The following TMEM171 variants were observed in gnomAD, a reference collection of about 807,000 sequenced individuals.
TMEM171 encodes the protein proline-rich protein PRP2.
In TMEM171, 16 loss-of-function variants were observed where a neutral mutation model predicts 19.1. That is an observed-to-expected ratio of 0.84 (90% CI 0.57 to 1.27). The LOEUF is 1.27. Among genes scored for constraint, TMEM171 ranks in the 50% most tolerant of loss-of-function variants. The probability of loss-of-function intolerance (pLI) is 0.00; values close to 1 mark genes in which losing one functional copy is unlikely to be tolerated. For synonymous variants in TMEM171, 153 were observed against 163.4 expected (o/e 0.94, Z 0.48); for missense variants, 429 against 412.7 (o/e 1.04, Z -0.34).
rs761365883 is a variant in TMEM171 at position 73,131,704 on chromosome 5, C to CT, written c.950dup (p.Ser318IlefsTer3). The CT allele has an allele frequency of 6.2e-7, 1 of 1,613,404 alleles. No homozygotes were observed. Among genetic ancestry groups the CT allele is most frequent in the South Asian group, 1.1e-5 (1 of 90,854 alleles). On this transcript the variant is annotated frameshift_variant, in exon 4 of 4. Transcript: ENST00000454765. LOFTEE classifies it high-confidence loss of function. ...AAATGCTGCAGCTACATTCTTGCCTCTATCTTCTGAGCCTTCCCCACCGTA... is the reference window on the plus strand; with the variant it reads ...AAATGCTGCAGCTACATTCTTGCCTCTTATCTTCTGAGCCTTCCCCACCGTA...
chr5:73,121,336 C>A (rs67751448), intron 1 of TMEM171, among the ~76,000 whole-genome samples: 15,052 of 152,158 alleles, frequency 0.099, 794 homozygotes, highest in South Asian at 0.14. Context: ...GAGAATCACC[C>A]TTCTCTTTCT....
chr5:73,127,384 A>AAAAAAAAAAAAATAT lies in TMEM171; in HGVS notation c.641-1005_641-1004insAAAAAAAAAAATATA. Among the ~76,000 whole-genome samples the AAAAAAAAAAAAATAT allele has an allele frequency of 1.1e-4, 9 of 81,662 alleles. No individual in the cohort carries two copies. In the East Asian group the frequency reaches 1.7e-3, roughly 16 times the overall value. The allele number at this position is 81,662 out of a possible 152,430, so 53.6% of individuals were successfully genotyped here. A position where few individuals can be genotyped will look rare whatever the true frequency, so the allele number is the denominator to read the frequency against. On this transcript the variant is annotated intron_variant, in intron 2 of 3. Coordinates refer to ENST00000454765, the MANE Select transcript of TMEM171 (RefSeq NM_173490.8). The stretch of plus-strand genomic sequence containing the variant: ...AAATTTGTGGTAAAAAAAAAAAAAA[A>AAAAAAAAAAAAATAT]ATATATATATATATATATATATAAA...
intron 2 of TMEM171, among the ~76,000 whole-genome samples, chr5:73,126,649 C>T (rs1435010460): frequency 6.6e-6 from 1 of 152,138 alleles, no homozygotes; most frequent in Non-Finnish European, 1.5e-5. Flanking sequence ...AACTGCCTGG[C>T]CTGCAGTTTA....
At chr5:73,130,669 G>C (rs886486696) in intron 3 of TMEM171, among the ~76,000 whole-genome samples, 1 of 152,172 alleles carries the variant, frequency 6.6e-6, no homozygotes, top group Non-Finnish European at 1.5e-5. Context: ...GAGAGGGAAA[G>C]AGGTGGCTGA....
At chr5:73,127,376 A>ATATATATATATATAT in intron 2 of TMEM171, among the ~76,000 whole-genome samples, 1 of 63,088 alleles carries the variant, frequency 1.6e-5, no homozygotes, top group African/African-American at 9.2e-5. Flanking sequence ...TGGTAAAAAA[A>ATATATATATATATAT]AAAAAAAAAT....
Position 73,123,630 on chromosome 5 carries a change from G to C in TMEM171, c.257G>C (p.Arg86Pro), listed in dbSNP as rs147116160. ...LARSRAQLQL[R>P]AGLQRGQQMD... is the part of the protein sequence containing the mutation. ...CGCTCCCGGGCGCAACTTCAGCTCC[G>C]TGCAGGGCTGCAGAGAGGTCAGCAG... Residue 86 changes from arginine to proline, a missense_variant, in exon 2 of 4, where the codon CGT becomes CCT. Arg to Pro is a moderately radical substitution (Grantham distance 103, BLOSUM62 -2). Coordinates refer to ENST00000454765, the MANE Select transcript of TMEM171 (RefSeq NM_173490.8). 6 of 1,614,082 alleles carry C rather than the reference G, an allele frequency of 3.7e-6. No homozygotes were observed. Among genetic ancestry groups the C allele is most frequent in the African/African-American group, 1.3e-5 (1 of 74,936 alleles).
Position 73,123,477 on chromosome 5 carries a change from T to C in TMEM171, c.104T>C (p.Val35Ala), listed in dbSNP as rs1744060247. 1 of 1,614,194 alleles carries C rather than the reference T, an allele frequency of 6.2e-7. No homozygotes were observed. The highest frequency in any genetic ancestry group is 8.5e-7 in the Non-Finnish European group (1 of 1,180,028). The change falls in exon 2 of 4, where the codon GTG becomes GCG. Residue 35 changes from valine (V) to alanine (A), a missense_variant. Coordinates refer to ENST00000454765, the MANE Select transcript of TMEM171 (RefSeq NM_173490.8). ...FFVFGAVLLCVGVLLSIFGFQ... is the reference protein window; with the variant it reads ...FFVFGAVLLCAGVLLSIFGFQ... ...GTCTTCGGCGCCGTCTTGTTGTGTG[T>C]GGGAGTCCTGCTCTCCATCTTTGGG... is the stretch of plus-strand genomic sequence containing the variant.
At chr5:73,124,392 A>C (rs1744107600) in intron 2 of TMEM171, among the ~76,000 whole-genome samples, 1 of 152,184 alleles carries the variant, frequency 6.6e-6, no homozygotes, top group Non-Finnish European at 1.5e-5. Context: ...TGTTATTCTC[A>C]CACCAAAACC....
chr5:73,128,141 C>A (rs1744229051), intron 2 of TMEM171, among the ~76,000 whole-genome samples: 1 of 152,154 alleles, frequency 6.6e-6, no homozygotes, highest in South Asian at 2.1e-4. Flanking sequence ...TTATCCCCAA[C>A]AGCAACTCTG....
chr5:73,123,238 A>G, intron 1 of TMEM171, 68 bp from the exon 2 acceptor site: 1 of 1,394,684 alleles, frequency 7.2e-7, no homozygotes, highest in Non-Finnish European at 9.5e-7. Context: ...AGAAATGATC[A>G]GCAAAAAACC....
intron 2 of TMEM171, among the ~76,000 whole-genome samples, chr5:73,124,860 G>A (rs376776109): frequency 3.9e-5 from 6 of 152,198 alleles, no homozygotes; most frequent in East Asian, 1.9e-4. Context: ...AAACCCCATC[G>A]CTGTTCATTG....
intron 2 of TMEM171, among the ~76,000 whole-genome samples, chr5:73,127,407 A>ATATATATATATATATATATATATAT (rs1364234564): frequency 4.6e-4 from 63 of 136,962 alleles, no homozygotes; most frequent in African/African-American, 9.4e-4. Context: ...ATATATATAT[A>ATATATATATATATATATATATATAT]AAGCATAAAC....
intron 2 of TMEM171, among the ~76,000 whole-genome samples, chr5:73,125,291 C>G (rs1461353515): frequency 1.3e-5 from 2 of 152,194 alleles, no homozygotes. Context: ...CATTTAAGTG[C>G]TTTATCATGT....
Position 73,129,731 on chromosome 5 carries a change from C to G in TMEM171, c.782+1200C>G, listed in dbSNP as rs544740036. On this transcript the variant is annotated intron_variant, in intron 3 of 3. Coordinates refer to ENST00000454765, the MANE Select transcript of TMEM171 (RefSeq NM_173490.8). The stretch of plus-strand genomic sequence containing the variant: ...TATGCTAGGCTTCACTGCTTTAGAT[C>G]ATGGAGAGGTGTGAGGGTCTCAGGG... 2.3e-4 allele frequency among the ~76,000 whole-genome samples: 35 copies of G among 152,350 alleles called. No individual in the cohort carries two copies. The South Asian group carries it at 6.0e-3, about 26-fold the overall frequency.
rs1206015584 is a variant in TMEM171, at chr5:73,123,540, C to G, written c.167C>G (p.Pro56Arg). Residue 56 changes from proline (P) to arginine (R), a missense_variant, in exon 2 of 4, where the codon CCC (proline) becomes CGC (arginine). By Grantham distance (103) the Pro-to-Arg change is moderately radical. Transcript: ENST00000454765. ...CAATATAAGCCCCTCCCAGACTGCC[C>G]CATGGTGCTCAAGGTGGCGGGGCCT... is the stretch of plus-strand genomic sequence containing the variant. ...ACQYKPLPDC[P>R]MVLKVAGPAC... is the part of the protein sequence containing the mutation. 2.5e-6 allele frequency: 4 copies of G among 1,614,230 alleles called. No homozygotes were observed. The highest frequency in any genetic ancestry group is 3.4e-6 in the Non-Finnish European group (4 of 1,180,050).
chr5:73,124,598 G>T (rs1744112720), intron 2 of TMEM171, among the ~76,000 whole-genome samples: 1 of 152,188 alleles, frequency 6.6e-6, no homozygotes, highest in South Asian at 2.1e-4. Flanking sequence ...GGTGTTTTGA[G>T]GGGCCTCTGC....
chr5:73,127,384 A>AAATATATATATATATATATATATATATAT, intron 2 of TMEM171, among the ~76,000 whole-genome samples: 55 of 81,610 alleles, frequency 6.7e-4, no homozygotes, highest in Non-Finnish European at 1.0e-3. Flanking sequence ...AAAAAAAAAA[A>AAATATATATATATATATATATATATATAT]ATATATATAT....
At chr5:73,120,730 G>A in intron 1 of TMEM171, 34 bp downstream of exon 1, 1 of 983,738 alleles carries the variant, frequency 1.0e-6, no homozygotes, top group Non-Finnish European at 1.2e-6. Flanking sequence ...CTGCGCCGGC[G>A]GCGGCGGGTC....
Position 73,130,119 on chromosome 5 carries a change from A to C in TMEM171, c.783-1419A>C, listed in dbSNP as rs114299236. Among the ~76,000 whole-genome samples the C allele has an allele frequency of 2.0e-3, 303 of 152,178 alleles. 2 individuals are homozygous for C. The highest frequency in any genetic ancestry group is 6.7e-3 in the African/African-American group (280 of 41,528). On this transcript the variant is annotated intron_variant, in intron 3 of 3. Transcript: ENST00000454765. ...GTGGGGAAAGGATGGTGGGCGGCTG[A>C]TGGTGGCGGTACAGTGAGATGAGGG...
Sources: allele counts gnomAD v4.1 joint callset (sites outside exome capture counted in the v4.1 genomes callset), GRCh38; gene constraint gnomAD v4.1.1; transcripts MANE v1.5; gene names NCBI Gene and HGNC (gene_info 2026-07-23, HGNC 2026-07-21).